XRN1: variants seen among roughly 807,000 people sequenced by gnomAD.
XRN1 encodes the protein 5'-3' exoribonuclease 1.
XRN1 carries 67 observed loss-of-function variants against 222.3 expected under a neutral mutation model. That is an observed-to-expected ratio of 0.30 (90% CI 0.25 to 0.37). The LOEUF (loss-of-function observed/expected upper bound fraction) is 0.37. Ranked by LOEUF, XRN1 falls within the 10% of genes least tolerant of loss-of-function variation. The pLI, the probability that XRN1 is intolerant of heterozygous loss-of-function variation, is 1.00. For missense variants in XRN1, 1,707 were observed against 2,000.2 expected, an observed-to-expected ratio of 0.85 and a Z score of 2.80; for synonymous variants, 643 against 652.4, an observed-to-expected ratio of 0.99 and a Z score of 0.22.
intron 20 of XRN1, among the ~76,000 whole-genome samples, chr3:142,392,274 T>C (rs2067754278): frequency 6.6e-6 from 1 of 152,056 alleles, no homozygotes; most frequent in Non-Finnish European, 1.5e-5. Context: ...CTCATTTTCA[T>C]AATCTCTTTA....
chr3:142,360,782 G>A (rs2066600163), intron 29 of XRN1, among the ~76,000 whole-genome samples: 1 of 150,184 alleles, frequency 6.7e-6, no homozygotes, highest in South Asian at 2.1e-4. Context: ...GCTGAGGCAG[G>A]AGAATGGCAT....
chr3:142,329,592 T>G lies in XRN1; in HGVS notation c.4246A>C (p.Ser1416Arg), dbSNP rs533947951. 1.3e-6 allele frequency: 2 copies of G among 1,549,952 alleles called. No homozygotes were observed. The highest frequency in any genetic ancestry group is 2.5e-5 in the East Asian group (1 of 40,006). ...TGAACATTATGGTACTCATTAGCAC[T>G]GTGAGGCTTGTTCATATAAGATGCT... Reference protein sequence around the residue: ...KLASYMNKPHSANEYHNVQSM... With the variant: ...KLASYMNKPHRANEYHNVQSM... Residue 1416 changes from serine (S) to arginine (R), a missense_variant, in exon 37 of 41, where the codon AGT (serine) becomes CGT (arginine). Transcript: ENST00000392981.
chr3:142,430,911 G>A (rs1046385445), intron 2 of XRN1, among the ~76,000 whole-genome samples: 4 of 151,994 alleles, frequency 2.6e-5, no homozygotes, highest in South Asian at 2.1e-4. Flanking sequence ...TTCTCCTACC[G>A]CCTAAGTCAC....
chr3:142,363,230 G>T (rs959734529), intron 29 of XRN1, among the ~76,000 whole-genome samples: 1 of 151,594 alleles, frequency 6.6e-6, no homozygotes, highest in South Asian at 2.1e-4. Context: ...GTAAGGTAAG[G>T]AGTTGTGGAT....
Position 142,420,627 on chromosome 3 carries a change from TCC to T in XRN1, c.1173+387_1173+388del, listed in dbSNP as rs1171413234. 1.2e-3 allele frequency among the ~76,000 whole-genome samples: 185 copies of T among 152,218 alleles called. 1 individual carries two copies. Among genetic ancestry groups the T allele is most frequent in the Non-Finnish European group, 1.9e-3 (127 of 68,000 alleles). On this transcript the variant is annotated intron_variant, in intron 10 of 40. Transcript: ENST00000392981. Reference sequence around the variant, plus strand: ...CCTCAGGTAATCCACCCATTTTGCCTCCCAAAGTGCTGGGATTACAGGTGTGA... The same window carrying T: ...CCTCAGGTAATCCACCCATTTTGCCTCAAAGTGCTGGGATTACAGGTGTGA...
intron 20 of XRN1, among the ~76,000 whole-genome samples, chr3:142,391,397 A>T (rs1268007077): frequency 6.6e-6 from 1 of 152,164 alleles, no homozygotes; most frequent in African/African-American, 2.4e-5. Flanking sequence ...CTTTTACTAT[A>T]TACTTTTACT....
At position 142,347,299 on chromosome 3, in the gene XRN1, T is replaced by C; in HGVS notation, c.3812A>G (p.His1271Arg). 1.2e-6 allele frequency: 2 copies of C among 1,607,452 alleles called. No individual in the cohort carries two copies. The highest frequency in any genetic ancestry group is 1.7e-6 in the Non-Finnish European group (2 of 1,176,902). ...ACTGTTGTCATTAAAGCCAGATTTA[T>C]GATGTTGATTTACTTGGCTTATTTC... ...PQEISQVNQHHKSGFNDNSVK... is the reference protein window; with the variant it reads ...PQEISQVNQHRKSGFNDNSVK... The change falls in exon 33 of 41, where the codon CAT becomes CGT. Residue 1271 changes from histidine (H) to arginine (R), a missense_variant. His to Arg is a conservative substitution (Grantham distance 29). Around this residue, in one of 2 missense-constraint regions of XRN1, gnomAD observed 1,234 missense variants for 1,518.2 expected, o/e 0.81. Coordinates refer to ENST00000392981, the MANE Select transcript of XRN1 (RefSeq NM_001282857.2).
At chr3:142,401,371 T>G (rs944760619) in intron 18 of XRN1, among the ~76,000 whole-genome samples, 1 of 152,204 alleles carries the variant, frequency 6.6e-6, no homozygotes, top group Non-Finnish European at 1.5e-5. Flanking sequence ...CATAAAATGC[T>G]CTACAAATAT....
At chr3:142,390,632 C>T (rs1399378768) in intron 20 of XRN1, among the ~76,000 whole-genome samples, 1 of 152,204 alleles carries the variant, frequency 6.6e-6, no homozygotes, top group East Asian at 1.9e-4. Context: ...CTAAAACTTT[C>T]TCCATATTAG....
In XRN1 at chr3:142,312,712, C is replaced by T; in HGVS notation, c.4668G>A (p.Trp1556Ter). ...TCCCAGGAACTGGCACCGATGGTCC[C>T]CATGGCATTGAGCCAAAGAGATGAG... ...SSSHLFGSMP[W>*]GPSVPVPGKP... The change falls in exon 40 of 41, where the codon TGG (tryptophan) becomes TGA (stop). Residue 1556 changes from tryptophan to a stop codon, truncating the protein, a stop_gained. Transcript: ENST00000392981. LOFTEE classifies it high-confidence loss of function. 6.2e-7 allele frequency: 1 copy of T among 1,613,620 alleles called. No homozygotes were observed. The highest frequency in any genetic ancestry group is 8.5e-7 in the Non-Finnish European group (1 of 1,179,644).
At chr3:142,402,103 T>A (rs1035516242) in intron 18 of XRN1, among the ~76,000 whole-genome samples, 4 of 152,192 alleles carry the variant, frequency 2.6e-5, no homozygotes, top group Non-Finnish European at 5.9e-5. Context: ...AGTCATCAAT[T>A]CTCTGTTGAC....
chr3:142,431,796 G>A (rs1321859299), intron 2 of XRN1, among the ~76,000 whole-genome samples: 19 of 122,618 alleles, frequency 1.5e-4, no homozygotes, highest in East Asian at 7.3e-4. Flanking sequence ...CAGCCTGGGC[G>A]ACAAGAGCAA....
intron 34 of XRN1, among the ~76,000 whole-genome samples, chr3:142,334,860 CAG>C (rs2065808936): frequency 6.9e-6 from 1 of 144,098 alleles, no homozygotes; most frequent in South Asian, 2.2e-4. Flanking sequence ...TTTTTTGAGA[CAG>C]AGTCTCACTG....
chr3:142,393,095 ATG>A (rs1426318734), intron 20 of XRN1, among the ~76,000 whole-genome samples: 1 of 150,660 alleles, frequency 6.6e-6, no homozygotes, highest in African/African-American at 2.5e-5. Context: ...GCATTTTTTC[ATG>A]TGTTTTTTGG....
At chr3:142,376,915 TTTTG>T (rs1278064517) in intron 23 of XRN1, among the ~76,000 whole-genome samples, 1 of 152,106 alleles carries the variant, frequency 6.6e-6, no homozygotes, top group Non-Finnish European at 1.5e-5. Flanking sequence ...CAGGCAAGTT[TTTTG>T]TTTGTTTTTG....
At chr3:142,355,987 A>T (rs1463177536) in intron 31 of XRN1, among the ~76,000 whole-genome samples, 1 of 152,192 alleles carries the variant, frequency 6.6e-6, no homozygotes, top group African/African-American at 2.4e-5. Context: ...TAATCACAAA[A>T]GTATTCTATG....
rs529524302 is a variant in XRN1 at position 142,433,261 on chromosome 3, A to G, written c.76-368T>C. 1.8e-4 allele frequency among the ~76,000 whole-genome samples: 27 copies of G among 152,334 alleles called. No homozygotes were observed. The East Asian group carries it at 5.0e-3, about 28-fold the overall frequency. ...CCTCAAAACCTCAATTTCCTCTATA[A>G]TGGGTAACAAAAAGCCCATTTACAT... On this transcript the variant is annotated intron_variant, in intron 1 of 40. Transcript: ENST00000392981.
chr3:142,418,452 T>G (rs1260445359), intron 12 of XRN1, 52 bp downstream of exon 12: 2 of 1,426,728 alleles, frequency 1.4e-6, no homozygotes, highest in African/African-American at 2.9e-5. Context: ...TCTGAATAAC[T>G]GCAAAATCTA....
chr3:142,438,726 G>A (rs890906797), intron 1 of XRN1, among the ~76,000 whole-genome samples: 4 of 152,142 alleles, frequency 2.6e-5, no homozygotes, highest in African/African-American at 4.8e-5. Flanking sequence ...ACCTGGCCTC[G>A]TGAGGGAAGT....
Sources: gnomAD v4.1 joint callset for allele counts (sites outside exome capture counted in the v4.1 genomes callset) on GRCh38, gnomAD v4.1.1 for gene constraint, gnomAD v4.1.1 regional missense constraint, MANE v1.5 for transcripts, NCBI Gene and HGNC (gene_info 2026-07-23, HGNC 2026-07-21) for gene names.